IQCE: variants seen among roughly 807,000 people sequenced by gnomAD.
IQCE encodes the protein IQ domain-containing protein E.
A neutral mutation model predicts 96.0 loss-of-function variants in IQCE; 115 were observed. That is an observed-to-expected ratio of 1.20 (90% CI 1.03 to 1.40). The LOEUF is 1.40. IQCE is among the 40% of genes most tolerant of loss of function. The pLI is 0.00. For synonymous variants in IQCE, 412 were observed against 371.2 expected, an observed-to-expected ratio of 1.11 and a Z score of -1.26; for missense variants, 1,041 against 909.1, an observed-to-expected ratio of 1.15 and a Z score of -1.87.
chr7:2,594,978 T>C lies in IQCE; in HGVS notation c.1440+2T>C. ...GATTGCCCGGAAGTTCCTCATAAGG[T>C]ACAGTGACCATTCAGTTGAGTCTCC... On this transcript the variant is annotated splice_donor_variant, in intron 16 of 21. Coordinates refer to ENST00000402050, the MANE Select transcript of IQCE (RefSeq NM_152558.5). LOFTEE classifies it high-confidence loss of function. The C allele has an allele frequency of 6.2e-7, 1 of 1,600,516 alleles. No homozygotes were observed. Among genetic ancestry groups the C allele is most frequent in the Non-Finnish European group, 8.6e-7 (1 of 1,167,748 alleles).
At chr7:2,607,437 A>T (rs1017220525) in intron 21 of IQCE, 40 of 1,334,984 alleles carry the variant, frequency 3.0e-5, no homozygotes, top group African/African-American at 6.1e-5. Context: ...TGTGCCTGGA[A>T]TTGCCGAGGT....
intron 3 of IQCE, among the ~76,000 whole-genome samples, chr7:2,569,652 G>T (rs1310196031): frequency 6.6e-6 from 1 of 152,146 alleles, no homozygotes. Context: ...ATGTGTTCGT[G>T]ACCCTGTAAA....
At position 2,589,993 on chromosome 7, in the gene IQCE, G is replaced by A. The variant is rs757683128; in HGVS notation, c.1131G>A (p.Ala377=). 1.3e-5 allele frequency: 21 copies of A among 1,613,932 alleles called. No individual in the cohort carries two copies. The highest frequency in any genetic ancestry group is 3.3e-4 in the Middle Eastern group (2 of 6,060). The change falls in exon 14 of 22, where the codon GCG becomes GCA. Residue 377 remains alanine (A), a synonymous_variant. Coordinates refer to ENST00000402050, the MANE Select transcript of IQCE (RefSeq NM_152558.5). ...CAGCCTGCCTTGCATCCAGCTCTGC[G>A]CTGCACAGACAGCCACGAGGGGACC... ...HPPACLASSS[A]LHRQPRGDRN...
chr7:2,601,331 A>G, intron 17 of IQCE, 110 bp from the exon 18 acceptor site: 3 of 750,082 alleles, frequency 4.0e-6, no homozygotes, highest in Non-Finnish European at 6.9e-6. Context: ...CAGGGCAGCC[A>G]GGCCTCTTGT....
Position 2,581,854 on chromosome 7 carries a change from C to T in IQCE, c.631-726C>T, listed in dbSNP as rs1003588288. On this transcript the variant is annotated intron_variant, in intron 8 of 21. Coordinates refer to ENST00000402050, the MANE Select transcript of IQCE (RefSeq NM_152558.5). Reference sequence around the variant, plus strand: ...CCTCCCGAGTAGCTGGGACTACAGGCGCCCGCCACCGCGCCTGGCTAATTT... The same window carrying T: ...CCTCCCGAGTAGCTGGGACTACAGGTGCCCGCCACCGCGCCTGGCTAATTT... Among the ~76,000 whole-genome samples the T allele has an allele frequency of 1.7e-4, 26 of 152,004 alleles. 1 individual carries two copies. The highest frequency in any genetic ancestry group is 5.5e-4 in the African/African-American group (23 of 41,512).
chr7:2,573,836 TG>T (rs1448885065), intron 6 of IQCE, among the ~76,000 whole-genome samples: 1 of 152,210 alleles, frequency 6.6e-6, no homozygotes, highest in Non-Finnish European at 1.5e-5. Flanking sequence ...TAACCTTCCA[TG>T]CATGCCACGC....
intron 8 of IQCE, among the ~76,000 whole-genome samples, chr7:2,580,627 G>A (rs1041685531): frequency 6.6e-6 from 1 of 152,060 alleles, no homozygotes; most frequent in East Asian, 1.9e-4. Context: ...AAAAAAAAGT[G>A]TCTATCAATA....
chr7:2,580,434 G>T (rs2128447393), intron 8 of IQCE, among the ~76,000 whole-genome samples: 1 of 152,086 alleles, frequency 6.6e-6, no homozygotes, highest in South Asian at 2.1e-4. Context: ...ACATGGTGAA[G>T]CCCCATCTGT....
Position 2,605,064 on chromosome 7 carries a change from A to C in IQCE, c.1743+73A>C, listed in dbSNP as rs1440098757. ...CGTCTCGCACTCCATCCATCGAGAAAGCGTAGGGCACCCCTCAGCCTCCAC... is the reference window on the plus strand; with the variant it reads ...CGTCTCGCACTCCATCCATCGAGAACGCGTAGGGCACCCCTCAGCCTCCAC... On this transcript the variant is annotated intron_variant, in intron 19 of 21. Transcript: ENST00000402050. 6 of 1,077,954 alleles carry C rather than the reference A, an allele frequency of 5.6e-6. No individual in the cohort carries two copies. In the African/African-American group the frequency reaches 7.8e-5, roughly 14 times the overall value. 66.8% of individuals were successfully genotyped at this position (1,077,954 alleles called of 1,614,324 possible). A position where few individuals can be genotyped will look rare whatever the true frequency, so the allele number is the denominator to read the frequency against.
chr7:2,573,058 G>T (rs932137168), intron 5 of IQCE, among the ~76,000 whole-genome samples: 2 of 152,192 alleles, frequency 1.3e-5, no homozygotes, highest in African/African-American at 4.8e-5. Flanking sequence ...AATGGGTGTT[G>T]AGATGCTCTG....
intron 11 of IQCE, 112 bp from the exon 12 acceptor site, chr7:2,586,096 A>T (rs1398252370): frequency 8.9e-6 from 9 of 1,014,618 alleles, no homozygotes; most frequent in South Asian, 1.7e-5. Context: ...TGCAAAAACC[A>T]CTCTGAGCTC....
chr7:2,597,007 C>T (rs1192526024), intron 16 of IQCE: 1 of 471,234 alleles, frequency 2.1e-6, no homozygotes, highest in East Asian at 6.9e-5. Flanking sequence ...AGATTACACT[C>T]CCAGGTCCCT....
chr7:2,597,384 A>T (rs1196889671), intron 16 of IQCE, among the ~76,000 whole-genome samples: 2 of 152,260 alleles, frequency 1.3e-5, no homozygotes, highest in East Asian at 3.8e-4. Flanking sequence ...CCAGGCCCAG[A>T]GGGGCAGCAA....
intron 9 of IQCE, 63 bp from the exon 10 acceptor site, chr7:2,583,574 C>A: frequency 7.7e-7 from 1 of 1,290,626 alleles, no homozygotes; most frequent in Non-Finnish European, 1.1e-6. Flanking sequence ...GGAAACTCTT[C>A]CTCTTGCTCT....
chr7:2,588,930 G>T (rs1296980015), intron 13 of IQCE, among the ~76,000 whole-genome samples: 2 of 152,008 alleles, frequency 1.3e-5, no homozygotes, highest in Admixed American at 6.6e-5. Context: ...CCTTTAAAGT[G>T]CTGGGATTAC....
chr7:2,579,700 GGT>G (rs68086038), intron 8 of IQCE, among the ~76,000 whole-genome samples: 61,847 of 132,834 alleles, frequency 0.47, 13,058 homozygotes, highest in Middle Eastern at 0.53. Context: ...TTGTTCTGGT[GGT>G]GTGTGTGTGT....
intron 14 of IQCE, among the ~76,000 whole-genome samples, chr7:2,590,883 C>T (rs536699386): frequency 2.2e-4 from 34 of 152,192 alleles, no homozygotes; most frequent in African/African-American, 5.3e-4. Flanking sequence ...AAAATCAATT[C>T]GATTTTATGC....
intron 1 of IQCE, 105 bp downstream of exon 1, chr7:2,559,322 T>A: frequency 1.8e-6 from 1 of 567,092 alleles, no homozygotes; most frequent in Non-Finnish European, 2.5e-6. Flanking sequence ...GCCCGGGGCG[T>A]GAGGACGGGG....
At position 2,610,224 on chromosome 7, in the gene IQCE, G is replaced by A. The variant is rs887574005; in HGVS notation, c.*62G>A. The A allele has an allele frequency of 7.2e-5, 68 of 950,328 alleles. 3 individuals are homozygous for A. In the Middle Eastern group the frequency reaches 1.0e-3, roughly 15 times the overall value. 58.9% of individuals were successfully genotyped at this position (950,328 alleles called of 1,614,324 possible). On this transcript the variant is annotated 3_prime_UTR_variant, in exon 22 of 22. Transcript: ENST00000402050. ...TGCCGAGGACATAGGAACCACGACT[G>A]GAAAGATAATTTATCGTGTTAGGAG...
Sources: gnomAD v4.1 joint callset for allele counts (sites outside exome capture counted in the v4.1 genomes callset) on GRCh38, gnomAD v4.1.1 for gene constraint, MANE v1.5 for transcripts, NCBI Gene and HGNC (gene_info 2026-07-23, HGNC 2026-07-21) for gene names.